TPP2: variants seen among roughly 807,000 people sequenced by gnomAD.
TPP2 encodes tripeptidyl peptidase 2, also known as tripeptidyl-peptidase 2.
In TPP2, 34 loss-of-function variants were observed where a neutral mutation model predicts 155.9. The observed-to-expected ratio is 0.22, with a 90% confidence interval of 0.17 to 0.29. The LOEUF (loss-of-function observed/expected upper bound fraction) is 0.29. Among genes scored for constraint, TPP2 ranks in the 10% least tolerant of loss-of-function variants. The pLI is 1.00. For missense variants in TPP2, 1,028 were observed against 1,522.3 expected, an observed-to-expected ratio of 0.68 and a Z score of 5.40; for synonymous variants, 510 against 529.4, an observed-to-expected ratio of 0.96 and a Z score of 0.50.
chr13:102,603,635 C>T (rs957716853), intron 1 of TPP2, among the ~76,000 whole-genome samples: 2 of 152,196 alleles, frequency 1.3e-5, no homozygotes, highest in Non-Finnish European at 1.5e-5. Flanking sequence ...TCAGATGGTG[C>T]GAGGCTTTTT....
chr13:102,601,753 G>A (rs1011545940), intron 1 of TPP2, among the ~76,000 whole-genome samples: 5 of 152,136 alleles, frequency 3.3e-5, no homozygotes, highest in South Asian at 2.1e-4. Context: ...AATCCTCAGG[G>A]GGTTTGCCTT....
At chr13:102,674,582 TAAATG>T in intron 28 of TPP2, 92 bp downstream of exon 28, 1 of 1,287,646 alleles carries the variant, frequency 7.8e-7, no homozygotes, top group Non-Finnish European at 1.1e-6. Flanking sequence ...AGGAAGAAGA[TAAATG>T]GAAAGAATCT....
At chr13:102,673,955 C>CA (rs1157873110) in intron 27 of TPP2, among the ~76,000 whole-genome samples, 1 of 152,106 alleles carries the variant, frequency 6.6e-6, no homozygotes, top group Non-Finnish European at 1.5e-5. Context: ...ACTGAAAACT[C>CA]AAAAGTCGTT....
chr13:102,617,202 C>A (rs1880812731), intron 4 of TPP2, among the ~76,000 whole-genome samples: 1 of 152,124 alleles, frequency 6.6e-6, no homozygotes, highest in African/African-American at 2.4e-5. Context: ...GCATGAGCCA[C>A]CGTGCCCGGC....
intron 5 of TPP2, 93 bp downstream of exon 5, chr13:102,618,939 G>A (rs1443608246): frequency 2.8e-5 from 40 of 1,420,138 alleles, no homozygotes; most frequent in Middle Eastern, 1.9e-4. Flanking sequence ...CAGAATTTTG[G>A]TTTATTCGTG....
At chr13:102,612,409 G>A (rs1045664691) in intron 2 of TPP2, among the ~76,000 whole-genome samples, 9 of 152,266 alleles carry the variant, frequency 5.9e-5, no homozygotes, top group East Asian at 1.9e-4. Context: ...AAAAGATTAC[G>A]TGTATCATAT....
intron 25 of TPP2, among the ~76,000 whole-genome samples, chr13:102,659,603 C>G (rs1442994627): frequency 6.6e-6 from 1 of 152,130 alleles, no homozygotes; most frequent in African/African-American, 2.4e-5. Flanking sequence ...AATCCTATAT[C>G]CAGCAAAACT....
chr13:102,640,641 A>ATTTTTTTTT lies in TPP2; in HGVS notation c.2020+285_2020+293dup, dbSNP rs5806315. On this transcript the variant is annotated intron_variant, in intron 16 of 29. Transcript: ENST00000376052. ...TAGAATAATGCCTTACCTGGTAATA[A>ATTTTTTTTT]TTTTTTTTTTTTTTTTTTTTTTTTT... Among the ~76,000 whole-genome samples, 473 of 84,222 alleles carry ATTTTTTTTT rather than the reference A, an allele frequency of 5.6e-3. 30 individuals carry two copies. The highest frequency in any genetic ancestry group is 7.8e-3 in the Non-Finnish European group (369 of 47,046). 55.3% of individuals were successfully genotyped at this position (84,222 alleles called of 152,430 possible). A position where few individuals can be genotyped will look rare whatever the true frequency, so the allele number is the denominator to read the frequency against.
In TPP2 at chr13:102,639,385, A is replaced by G. The variant is rs141585708; in HGVS notation, c.1914-885A>G. 6.7e-3 allele frequency among the ~76,000 whole-genome samples: 1,014 copies of G among 152,276 alleles called. 6 individuals carry two copies. The highest frequency in any genetic ancestry group is 0.041 in the Middle Eastern group (12 of 294). ...ATGAAATTGAGGAGAATAAATTTAA[A>G]AAGTGGTATACATGTGGAAAAATTG... On this transcript the variant is annotated intron_variant, in intron 15 of 29. Transcript: ENST00000376052.
intron 10 of TPP2, among the ~76,000 whole-genome samples, chr13:102,631,046 A>T (rs746080993): frequency 6.6e-6 from 1 of 152,224 alleles, no homozygotes; most frequent in Non-Finnish European, 1.5e-5. Context: ...AAGGATGGAT[A>T]GGATGTTGAG....
chr13:102,658,094 T>A (rs1312994539), intron 25 of TPP2, among the ~76,000 whole-genome samples: 1 of 152,222 alleles, frequency 6.6e-6, no homozygotes, highest in African/African-American at 2.4e-5. Context: ...TTGCCACAGA[T>A]TTTACTCTAG....
chr13:102,603,039 G>A (rs773922727), intron 1 of TPP2, among the ~76,000 whole-genome samples: 7 of 151,910 alleles, frequency 4.6e-5, no homozygotes, highest in Non-Finnish European at 1.0e-4. Flanking sequence ...CCAAGAAAGA[G>A]CCCAGAAATT....
At chr13:102,634,134 G>A in intron 11 of TPP2, 36 bp downstream of exon 11, 1 of 1,607,860 alleles carries the variant, frequency 6.2e-7, no homozygotes, top group Non-Finnish European at 8.5e-7. Flanking sequence ...CATTATTGCA[G>A]ACCAATATTT....
Position 102,635,616 on chromosome 13 carries a change from G to A in TPP2, c.1423G>A (p.Val475Ile). The A allele has an allele frequency of 6.2e-7, 1 of 1,612,976 alleles. No homozygotes were observed. Residue 475 changes from valine to isoleucine, a missense_variant, in exon 12 of 30, where the codon GTT (valine) becomes ATT (isoleucine). Transcript: ENST00000376052. ...GLKANNIDYTVHSVRRALENT... is the reference protein window; with the variant it reads ...GLKANNIDYTIHSVRRALENT... ...GAAAGCTAATAACATTGACTACACAGTTCATTCAGTCAGAAGAGCTCTAGA... is the reference window on the plus strand; with the variant it reads ...GAAAGCTAATAACATTGACTACACAATTCATTCAGTCAGAAGAGCTCTAGA...
At chr13:102,667,359 C>T (rs966827070) in intron 27 of TPP2, among the ~76,000 whole-genome samples, 5 of 152,040 alleles carry the variant, frequency 3.3e-5, no homozygotes, top group Non-Finnish European at 7.4e-5. Context: ...TTTCAAGGTC[C>T]TTATTGAGCA....
At chr13:102,637,617 C>T (rs569488773) in intron 14 of TPP2, among the ~76,000 whole-genome samples, 2 of 152,086 alleles carry the variant, frequency 1.3e-5, no homozygotes, top group Non-Finnish European at 2.9e-5. Context: ...GTGGTGTGAT[C>T]GTGGTTCGCT....
chr13:102,656,141 C>T (rs1271639426), intron 24 of TPP2, among the ~76,000 whole-genome samples: 1 of 152,116 alleles, frequency 6.6e-6, no homozygotes, highest in African/African-American at 2.4e-5. Flanking sequence ...AATCTATTTT[C>T]CAAATAGAAT....
chr13:102,653,303 A>T (rs1341022128), intron 24 of TPP2, among the ~76,000 whole-genome samples: 1 of 152,120 alleles, frequency 6.6e-6, no homozygotes, highest in Admixed American at 6.6e-5. Context: ...TTCTTAATAG[A>T]TTTTTTCCTC....
At chr13:102,608,892 A>C (rs1880052923) in intron 2 of TPP2, among the ~76,000 whole-genome samples, 1 of 152,194 alleles carries the variant, frequency 6.6e-6, no homozygotes, top group South Asian at 2.1e-4. Context: ...AGCAAGGCAC[A>C]AGAAAAGGTG....
Sources: gnomAD v4.1 joint callset for allele counts (sites outside exome capture counted in the v4.1 genomes callset) on GRCh38, gnomAD v4.1.1 for gene constraint, MANE v1.5 for transcripts, NCBI Gene and HGNC (gene_info 2026-07-23, HGNC 2026-07-21) for gene names.